Variants in DBNL observed in about 807,000 individuals in gnomAD.
DBNL encodes drebrin-like protein.
DBNL carries 35 observed loss-of-function variants against 62.2 expected under a neutral mutation model. That is an observed-to-expected ratio of 0.56 (90% CI 0.43 to 0.75). The LOEUF is 0.75. Among genes scored for constraint, DBNL ranks in the 30% least tolerant of loss-of-function variants. The pLI is 0.00. For synonymous variants in DBNL, 197 were observed against 218.0 expected (o/e 0.90, Z 0.85); for missense variants, 495 against 578.4 (o/e 0.86, Z 1.48).
rs751413141 is a variant in DBNL at position 44,065,377 on chromosome 7, C to T, written c.*4461C>T. On this transcript the variant is annotated 3_prime_UTR_variant, in exon 13 of 13. Transcript: ENST00000448521. ...GCACTGACGTGTAGCAGATGTCAAA[C>T]TCCATCTTGGCATCCTTGATGGCCT... 1 of 1,614,066 alleles carries T rather than the reference C, an allele frequency of 6.2e-7. No homozygotes were observed. Among genetic ancestry groups the T allele is most frequent in the Admixed American group, 1.7e-5 (1 of 60,030 alleles).
chr7:44,050,381 G>C (rs527949920), intron 2 of DBNL, 101 bp downstream of exon 2: 37 of 1,258,446 alleles, frequency 2.9e-5, no homozygotes, highest in South Asian at 1.1e-4. Context: ...GCCACATGGG[G>C]CTTCCAGTGC....
In DBNL at chr7:44,062,690, G is replaced by T. The variant is rs190597702; in HGVS notation, c.*1774G>T. The T allele has an allele frequency of 1.4e-4, 215 of 1,513,548 alleles. No homozygotes were observed. The African/African-American group carries it at 2.4e-3, about 17-fold the overall frequency. 93.8% of individuals were successfully genotyped at this position (1,513,548 alleles called of 1,614,324 possible). ...TGGAGTCCCCACAGCTGATGGCGGTGTGAGCCTGGCATGCACGGCTGCGCT... is the reference window on the plus strand; with the variant it reads ...TGGAGTCCCCACAGCTGATGGCGGTTTGAGCCTGGCATGCACGGCTGCGCT... On this transcript the variant is annotated 3_prime_UTR_variant, in exon 13 of 13. Coordinates refer to ENST00000448521, the MANE Select transcript of DBNL (RefSeq NM_001014436.3).
At chr7:44,053,371 T>G (rs1363769313) in intron 4 of DBNL, among the ~76,000 whole-genome samples, 2 of 152,230 alleles carry the variant, frequency 1.3e-5, no homozygotes, top group Non-Finnish European at 2.9e-5. Context: ...GTCAGTCCTA[T>G]AATAGAACCT....
At position 44,068,148 on chromosome 7, in the gene DBNL, C is replaced by T. The variant is rs938224056; in HGVS notation, c.*7232C>T. ...CCTCTGTCTAGAGGAGCCATGGCCC[C>T]AAAAGCATGGGGCAACCACCTTCTG... On this transcript the variant is annotated 3_prime_UTR_variant, in exon 13 of 13. Transcript: ENST00000448521. 1.3e-5 allele frequency: 2 copies of T among 152,230 alleles called. No homozygotes were observed. The highest frequency in any genetic ancestry group is 4.8e-5 in the African/African-American group (2 of 41,432). The allele number at this position is 152,230 out of a possible 1,614,324, so 9.4% of individuals were successfully genotyped here.
chr7:44,051,940 T>C lies in DBNL; in HGVS notation c.250T>C (p.Trp84Arg). 6.2e-7 allele frequency: 1 copy of C among 1,613,852 alleles called. No homozygotes were observed. Among genetic ancestry groups the C allele is most frequent in the Non-Finnish European group, 8.5e-7 (1 of 1,179,740 alleles). The change falls in exon 3 of 13, where the codon TGG becomes CGG. Residue 84 changes from tryptophan (W) to arginine (R), a missense_variant and splice_region_variant. Trp to Arg is a moderately radical substitution (Grantham distance 101). Coordinates refer to ENST00000448521, the MANE Select transcript of DBNL (RefSeq NM_001014436.3). ...SGLPKFVLIN[W>R]TGEGVNDVRK... ...ACTGCCCAAATTTGTCCTCATCAACTGGGTATGTGGAGCCTGTTTCATCTA... is the reference window on the plus strand; with the variant it reads ...ACTGCCCAAATTTGTCCTCATCAACCGGGTATGTGGAGCCTGTTTCATCTA...
intron 2 of DBNL, 54 bp downstream of exon 2, chr7:44,050,334 CGAG>C: frequency 6.3e-7 from 1 of 1,595,884 alleles, no homozygotes; most frequent in Non-Finnish European, 8.6e-7. Flanking sequence ...AGGGTGACGA[CGAG>C]GGGTCAGCGC....
At position 44,052,024 on chromosome 7, in the gene DBNL, A is replaced by G; in HGVS notation, c.252+82A>G. On this transcript the variant is annotated intron_variant, in intron 3 of 12. Coordinates refer to ENST00000448521, the MANE Select transcript of DBNL (RefSeq NM_001014436.3). Reference sequence around the variant, plus strand: ...CTGTTTTGACTTGACTTCAGGAACAAAGTGTTTTACTGGCATGACTTAGTA... The same window carrying G: ...CTGTTTTGACTTGACTTCAGGAACAGAGTGTTTTACTGGCATGACTTAGTA... 4 of 1,285,844 alleles carry G rather than the reference A, an allele frequency of 3.1e-6. No homozygotes were observed. In the Middle Eastern group the frequency reaches 7.4e-4, roughly 238 times the overall value. The allele number at this position is 1,285,844 out of a possible 1,614,324, so 79.7% of individuals were successfully genotyped here. A position where few individuals can be genotyped will look rare whatever the true frequency, so the allele number is the denominator to read the frequency against.
intron 1 of DBNL, 78 bp downstream of exon 1, chr7:44,044,898 G>T (rs1043274961): frequency 1.2e-5 from 16 of 1,323,060 alleles, no homozygotes; most frequent in Non-Finnish European, 1.6e-5. Context: ...GGGGGACTCG[G>T]GGGGAGCGGG....
intron 2 of DBNL, 100 bp downstream of exon 2, chr7:44,050,380 G>T: frequency 7.8e-7 from 1 of 1,286,980 alleles, no homozygotes; most frequent in South Asian, 1.2e-5. Context: ...AGCCACATGG[G>T]GCTTCCAGTG....
In DBNL at chr7:44,058,467, A is replaced by C. The variant is rs758628928; in HGVS notation, c.740A>C (p.Asn247Thr). The C allele has an allele frequency of 6.2e-7, 1 of 1,614,140 alleles. No homozygotes were observed. The highest frequency in any genetic ancestry group is 8.5e-7 in the Non-Finnish European group (1 of 1,180,014). Residue 247 changes from asparagine (N) to threonine (T), a missense_variant, in exon 8 of 13, where the codon AAC becomes ACC. Coordinates refer to ENST00000448521, the MANE Select transcript of DBNL (RefSeq NM_001014436.3). ...WEQQQEVVSR[N>T]RNEQESAVHP... ...CAGCAGCAAGAAGTGGTTTCAAGGAACCGAAATGAGCAGGTAAGATGGGGG... is the reference window on the plus strand; with the variant it reads ...CAGCAGCAAGAAGTGGTTTCAAGGACCCGAAATGAGCAGGTAAGATGGGGG...
At chr7:44,050,376 A>C in intron 2 of DBNL, 96 bp downstream of exon 2, 1 of 1,359,144 alleles carries the variant, frequency 7.4e-7, no homozygotes, top group Non-Finnish European at 1.0e-6. Flanking sequence ...ACTGAGCCAC[A>C]TGGGGCTTCC....
In DBNL at chr7:44,059,540, C is replaced by T. The variant is rs2128794199; in HGVS notation, c.932-3C>T. 6.2e-7 allele frequency: 1 copy of T among 1,612,712 alleles called. No homozygotes were observed. The highest frequency in any genetic ancestry group is 2.2e-5 in the East Asian group (1 of 44,798). On this transcript the variant is annotated splice_region_variant and splice_polypyrimidine_tract_variant and intron_variant, in intron 10 of 12. Transcript: ENST00000448521. This position sits in a 1 kb window ranked among gnomAD's most constrained non-coding sequence, Gnocchi z 4.1. ...TGAGAACCTGCTGTGTTCCCTGGTG[C>T]AGATCTCCCTGCTGAGGAGCCGGCG...
chr7:44,062,570 C>T lies in DBNL; in HGVS notation c.*1654C>T, dbSNP rs961458308. 17 of 620,232 alleles carry T rather than the reference C, an allele frequency of 2.7e-5. No homozygotes were observed. The highest frequency in any genetic ancestry group is 4.3e-5 in the Non-Finnish European group (15 of 348,080). The allele number at this position is 620,232 out of a possible 1,614,324, so 38.4% of individuals were successfully genotyped here. On this transcript the variant is annotated 3_prime_UTR_variant, in exon 13 of 13. Coordinates refer to ENST00000448521, the MANE Select transcript of DBNL (RefSeq NM_001014436.3). ...ACTCATGGAGTGGTTGCAGCCCTGG[C>T]TCAGTGTCCTGATGACTAGGTGTGG...
chr7:44,065,553 A>G lies in DBNL; in HGVS notation c.*4637A>G, dbSNP rs746343182. The G allele has an allele frequency of 3.1e-6, 5 of 1,611,044 alleles. No individual in the cohort carries two copies. In the Admixed American group the frequency reaches 8.3e-5, roughly 27 times the overall value. On this transcript the variant is annotated 3_prime_UTR_variant, in exon 13 of 13. Transcript: ENST00000448521. The stretch of plus-strand genomic sequence containing the variant: ...ATGGTGGCAGCAGGGACCACAGAGG[A>G]CTCTGGACGGGGACGGCTGCTTCCC...
chr7:44,046,311 G>C (rs896810799), intron 1 of DBNL, among the ~76,000 whole-genome samples: 1 of 152,114 alleles, frequency 6.6e-6, no homozygotes, highest in Non-Finnish European at 1.5e-5. Flanking sequence ...GAGCTTCCTG[G>C]CACTCCTCAT....
Position 44,065,568 on chromosome 7 carries a change from G to A in DBNL, c.*4652G>A, listed in dbSNP as rs530944770. ...ACCACAGAGGACTCTGGACGGGGAC[G>A]GCTGCTTCCCAACACTCCCAGCTTT... On this transcript the variant is annotated 3_prime_UTR_variant, in exon 13 of 13. Transcript: ENST00000448521. The A allele has an allele frequency of 2.1e-5, 33 of 1,595,518 alleles. 1 individual carries two copies. The highest frequency in any genetic ancestry group is 3.5e-4 in the Middle Eastern group (2 of 5,744).
Position 44,065,903 on chromosome 7 carries a change from G to T in DBNL, c.*4987G>T. 1 of 385,232 alleles carries T rather than the reference G, an allele frequency of 2.6e-6. No homozygotes were observed. The highest frequency in any genetic ancestry group is 4.9e-6 in the Non-Finnish European group (1 of 202,078). The allele number at this position is 385,232 out of a possible 1,614,324, so 23.9% of individuals were successfully genotyped here. On this transcript the variant is annotated 3_prime_UTR_variant, in exon 13 of 13. Transcript: ENST00000448521. The stretch of plus-strand genomic sequence containing the variant: ...GGACAGAGGGGCTCTCCAGGGCAAC[G>T]CTCAGTGGCCTATCAGCCATTCTCT...
chr7:44,048,331 T>A (rs1249540510), intron 1 of DBNL, among the ~76,000 whole-genome samples: 10 of 152,228 alleles, frequency 6.6e-5, no homozygotes, highest in Admixed American at 2.6e-4. Flanking sequence ...ATGGGCTTCT[T>A]TCCTCCAGGG....
Position 44,059,336 on chromosome 7 carries a change from A to G in DBNL, c.836-18A>G, listed in dbSNP as rs775095232. 2 of 1,613,248 alleles carry G rather than the reference A, an allele frequency of 1.2e-6. No individual in the cohort carries two copies. The highest frequency in any genetic ancestry group is 1.7e-5 in the Admixed American group (1 of 59,952). On this transcript the variant is annotated intron_variant, in intron 9 of 12. Coordinates refer to ENST00000448521, the MANE Select transcript of DBNL (RefSeq NM_001014436.3). This position sits in a 1 kb window ranked among gnomAD's most constrained non-coding sequence, Gnocchi z 4.1. The stretch of plus-strand genomic sequence containing the variant: ...GTGGTGTTTCTGAAGTGATGTATAT[A>G]TTTACCCGGGTTTGCAGGCAAGCTG...
Sources: gnomAD v4.1 joint callset for allele counts (sites outside exome capture counted in the v4.1 genomes callset) on GRCh38, gnomAD v4.1.1 for gene constraint, Gnocchi (gnomAD v3.1) non-coding constraint, MANE v1.5 for transcripts, NCBI Gene and HGNC (gene_info 2026-07-23, HGNC 2026-07-21) for gene names.